The following CEP41 variants were observed in gnomAD, a reference collection of about 807,000 sequenced individuals.
CEP41 encodes centrosomal protein of 41 kDa.
Under a neutral mutation model 44.3 loss-of-function variants are expected in CEP41, and 32 were observed. The ratio of observed to expected loss-of-function variants is 0.72; its 90% CI spans 0.54 to 0.97. The LOEUF (loss-of-function observed/expected upper bound fraction) is 0.97. Ranked by LOEUF, CEP41 falls within the 50% of genes least tolerant of loss-of-function variation. The pLI is 0.00. For synonymous variants in CEP41, 151 were observed against 168.5 expected (o/e 0.90, Z 0.80); for missense variants, 432 against 455.2 (o/e 0.95, Z 0.46).
intron 5 of CEP41, 130 bp from the exon 6 acceptor site, chr7:130,404,838 G>T: frequency 1.2e-6 from 1 of 807,036 alleles, no homozygotes; most frequent in Non-Finnish European, 2.1e-6. Flanking sequence ...AAGTGCTAAC[G>T]TACAAGTTCC....
At position 130,440,940 on chromosome 7, in the gene CEP41, G is replaced by A. The variant is rs1416492328; in HGVS notation, c.27C>T (p.Asn9=). 1.2e-6 allele frequency: 2 copies of A among 1,612,400 alleles called. No individual in the cohort carries two copies. Among genetic ancestry groups the A allele is most frequent in the East Asian group, 4.5e-5 (2 of 44,780 alleles). The change falls in exon 1 of 11, where the codon AAC becomes AAT. Residue 9 remains asparagine, a synonymous_variant. Coordinates refer to ENST00000223208, the MANE Select transcript of CEP41 (RefSeq NM_018718.3). The stretch of plus-strand genomic sequence containing the variant: ...GCCGAGACCTGGCCCTCACCTCAGG[G>A]TTCCCAATGTGCCTCCGGAGGGACA... MSLRRHIG[N]PEYLMKRIPQ... is the part of the protein sequence containing the mutation.
At chr7:130,436,983 G>A (rs1797986060) in intron 1 of CEP41, among the ~76,000 whole-genome samples, 1 of 152,172 alleles carries the variant, frequency 6.6e-6, no homozygotes, top group African/African-American at 2.4e-5. Context: ...AGGTTGTAGT[G>A]AGCCGAAATC....
chr7:130,436,960 A>G (rs1260865335), intron 1 of CEP41, among the ~76,000 whole-genome samples: 2 of 152,102 alleles, frequency 1.3e-5, no homozygotes, highest in African/African-American at 4.8e-5. Context: ...AATCGCTTGA[A>G]CCTGGGAGGC....
chr7:130,424,548 A>T (rs929292710), intron 2 of CEP41, among the ~76,000 whole-genome samples: 1 of 152,214 alleles, frequency 6.6e-6, no homozygotes, highest in African/African-American at 2.4e-5. Flanking sequence ...GAACCCAGAA[A>T]TAGACCCACG....
intron 2 of CEP41, among the ~76,000 whole-genome samples, chr7:130,426,197 T>A (rs1320680495): frequency 6.6e-6 from 1 of 152,186 alleles, no homozygotes; most frequent in African/African-American, 2.4e-5. Context: ...AAAATATATA[T>A]GTATCTACAA....
chr7:130,398,801 C>T lies in CEP41; in HGVS notation c.*90G>A, dbSNP rs782388142. ...TACATATGTCATGGTCTTTCCTCTG[C>T]AGAAGTTTCTGGAAATGACCCAACT... On this transcript the variant is annotated 3_prime_UTR_variant, in exon 11 of 11. Transcript: ENST00000223208. 2 of 1,462,056 alleles carry T rather than the reference C, an allele frequency of 1.4e-6. No homozygotes were observed. The highest frequency in any genetic ancestry group is 3.3e-5 in the Admixed American group (2 of 59,848). 90.6% of individuals were successfully genotyped at this position (1,462,056 alleles called of 1,614,324 possible).
intron 1 of CEP41, among the ~76,000 whole-genome samples, chr7:130,428,428 CAAAAAA>C (rs67847969): frequency 5.3e-5 from 2 of 38,084 alleles, no homozygotes; most frequent in Non-Finnish European, 9.1e-5. Flanking sequence ...GACTCTGACT[CAAAAAA>C]AAAAAAAAAA....
At chr7:130,406,949 C>A (rs1797029281) in intron 5 of CEP41, among the ~76,000 whole-genome samples, 1 of 150,676 alleles carries the variant, frequency 6.6e-6, no homozygotes, top group African/African-American at 2.4e-5. Context: ...GCACATGTAC[C>A]CTAGAACTTA....
intron 8 of CEP41, 127 bp downstream of exon 8, chr7:130,401,754 T>C (rs1554416984): frequency 5.9e-6 from 4 of 677,238 alleles, no homozygotes; most frequent in Non-Finnish European, 8.0e-6. Flanking sequence ...ATCCAAATTC[T>C]AAAATATGCT....
At chr7:130,420,978 GA>G in intron 2 of CEP41, 1 of 980,368 alleles carries the variant, frequency 1.0e-6, no homozygotes, top group South Asian at 4.7e-5. Flanking sequence ...CTACATATAT[GA>G]CTCATATTGC....
At chr7:130,434,002 G>A (rs1438713482) in intron 1 of CEP41, among the ~76,000 whole-genome samples, 1 of 152,196 alleles carries the variant, frequency 6.6e-6, no homozygotes, top group Non-Finnish European at 1.5e-5. Flanking sequence ...AGACTTCATG[G>A]AAGAATGGAC....
chr7:130,422,978 G>A (rs1038142930), intron 2 of CEP41, among the ~76,000 whole-genome samples: 3 of 152,048 alleles, frequency 2.0e-5, no homozygotes, highest in Non-Finnish European at 4.4e-5. Context: ...ACGGAGTCTC[G>A]CTCTGTCACC....
Position 130,423,400 on chromosome 7 carries a change from A to T in CEP41, c.97+4555T>A, listed in dbSNP as rs918342840. On this transcript the variant is annotated intron_variant, in intron 2 of 10. Coordinates refer to ENST00000223208, the MANE Select transcript of CEP41 (RefSeq NM_018718.3). Reference sequence around the variant, plus strand: ...AACATTATCAGTCATTAGGAACATGAAAATCAAAGCCATAATAATATACCA... The same window carrying T: ...AACATTATCAGTCATTAGGAACATGTAAATCAAAGCCATAATAATATACCA... Among the ~76,000 whole-genome samples, 12 of 152,254 alleles carry T rather than the reference A, an allele frequency of 7.9e-5. No individual in the cohort carries two copies. The South Asian group carries it at 2.3e-3, about 29-fold the overall frequency.
chr7:130,425,713 C>T (rs1554423275), intron 2 of CEP41, among the ~76,000 whole-genome samples: 1 of 152,170 alleles, frequency 6.6e-6, no homozygotes, highest in African/African-American at 2.4e-5. Flanking sequence ...GTGTTTATAG[C>T]ACTTATACTT....
chr7:130,406,968 T>TA (rs1211691439), intron 5 of CEP41, among the ~76,000 whole-genome samples: 3 of 150,538 alleles, frequency 2.0e-5, no homozygotes, highest in Non-Finnish European at 3.0e-5. Flanking sequence ...TAAAGTATAA[T>TA]AAAAAAAAGT....
At chr7:130,419,119 A>G in intron 2 of CEP41, 1 of 985,448 alleles carries the variant, frequency 1.0e-6, no homozygotes, top group Non-Finnish European at 1.2e-6. Context: ...GAGGTAGGCC[A>G]TCATGCCCTC....
At chr7:130,437,172 C>T (rs782132847) in intron 1 of CEP41, among the ~76,000 whole-genome samples, 1 of 151,494 alleles carries the variant, frequency 6.6e-6, no homozygotes, top group African/African-American at 2.4e-5. Context: ...ATGAAAGTTA[C>T]GAAAATCAGA....
upstream of CEP41, chr7:130,441,177 G>C: frequency 1.4e-6 from 1 of 699,780 alleles, no homozygotes; most frequent in Admixed American, 2.0e-5. Flanking sequence ...CAAGGGCAAC[G>C]CGGGACGCCG....
At chr7:130,404,323 G>A (rs945699487) in intron 6 of CEP41, among the ~76,000 whole-genome samples, 1 of 152,110 alleles carries the variant, frequency 6.6e-6, no homozygotes, top group South Asian at 2.1e-4. Context: ...AGAATGGAAC[G>A]AGAAATGAAA....
Sources: allele counts gnomAD v4.1 joint callset (sites outside exome capture counted in the v4.1 genomes callset), GRCh38; gene constraint gnomAD v4.1.1; transcripts MANE v1.5; gene names NCBI Gene and HGNC (gene_info 2026-07-23, HGNC 2026-07-21).